Variants in OSBPL10 observed in about 807,000 individuals in gnomAD.
OSBPL10 encodes the protein oxysterol binding protein like 10, also known as oxysterol-binding protein-related protein 10.
OSBPL10 carries 49 observed loss-of-function variants against 81.7 expected under a neutral mutation model. The observed-to-expected ratio is 0.60, with a 90% CI of 0.48 to 0.76. The LOEUF is 0.76. OSBPL10 is among the 30% of genes least tolerant of loss of function. OSBPL10 has a pLI of 0.00. For missense variants in OSBPL10, 923 were observed against 987.8 expected (o/e 0.93, Z 0.88); for synonymous variants, 419 against 383.6 (o/e 1.09, Z -1.08).
chr3:31,672,987 G>A (rs146969270), intron 8 of OSBPL10, among the ~76,000 whole-genome samples: 42 of 152,282 alleles, frequency 2.8e-4, no homozygotes, highest in African/African-American at 8.2e-4. Flanking sequence ...AATACACTGC[G>A]TATCAGAAGA....
At chr3:31,772,678 C>T (rs1392281447) in intron 4 of OSBPL10, among the ~76,000 whole-genome samples, 3 of 152,146 alleles carry the variant, frequency 2.0e-5, no homozygotes, top group Non-Finnish European at 4.4e-5. Flanking sequence ...AAGGCAAAGC[C>T]CTGCCTTGTT....
intron 4 of OSBPL10, among the ~76,000 whole-genome samples, chr3:31,798,925 A>AGTTCATAATAGG (rs1399758405): frequency 1.5e-4 from 23 of 152,292 alleles, no homozygotes; most frequent in Non-Finnish European, 1.8e-4. Context: ...TCCCAGGCGC[A>AGTTCATAATAGG]GTTCATAATA....
intron 1 of OSBPL10, among the ~76,000 whole-genome samples, chr3:32,048,685 G>C (rs1699645527): frequency 6.6e-6 from 1 of 152,066 alleles, no homozygotes; most frequent in African/African-American, 2.4e-5. Flanking sequence ...ACTACCAGCT[G>C]GTCATGTCAG....
Position 31,990,905 on chromosome 3 carries a change from G to A in OSBPL10, n.298+55586C>T, listed in dbSNP as rs4955216. On this transcript the variant is annotated intron_variant and non_coding_transcript_variant, in intron 2 of 3. Transcript: ENST00000479173. ...AAAGCCTTTACTTCACATTCACATC[G>A]CATTAGACATCAGAGAATCCATACC... 2.5e-5 allele frequency: 39 copies of A among 1,573,996 alleles called. No individual in the cohort carries two copies. In the Admixed American group the frequency reaches 4.3e-4, roughly 17 times the overall value.
intron 1 of OSBPL10, among the ~76,000 whole-genome samples, chr3:31,937,835 C>T (rs995934877): frequency 2.0e-5 from 3 of 152,164 alleles, no homozygotes; most frequent in African/African-American, 7.2e-5. Flanking sequence ...ACCTCCATGT[C>T]TCTCAATCAT....
chr3:31,720,881 CAAA>C (rs61492992), intron 6 of OSBPL10, among the ~76,000 whole-genome samples: 171 of 66,292 alleles, frequency 2.6e-3, no homozygotes, highest in African/African-American at 9.8e-3. Context: ...GACTCTGTCT[CAAA>C]AAAAAAAAAA....
intron 6 of OSBPL10, among the ~76,000 whole-genome samples, chr3:31,706,461 G>T (rs1037287777): frequency 6.6e-6 from 1 of 151,870 alleles, no homozygotes; most frequent in Non-Finnish European, 1.5e-5. Flanking sequence ...TGGGGTCTTG[G>T]GCTGGGAATG....
At chr3:31,980,852 C>G (rs1698818015) in intron 1 of OSBPL10, 47 bp downstream of exon 1, 2 of 1,515,416 alleles carry the variant, frequency 1.3e-6, no homozygotes, top group Non-Finnish European at 8.8e-7. Flanking sequence ...CACACACACA[C>G]ACACACACAC....
At chr3:31,961,517 A>T (rs1256768089) in intron 1 of OSBPL10, among the ~76,000 whole-genome samples, 2 of 152,118 alleles carry the variant, frequency 1.3e-5, no homozygotes, top group African/African-American at 2.4e-5. Flanking sequence ...CTATTTAGAG[A>T]GTGTGTGTGT....
rs544476742 is a variant in OSBPL10, at chr3:32,065,398, T to A, written n.185+11998A>T. 8.7e-5 allele frequency: 8 copies of A among 91,778 alleles called. 4 individuals are homozygous for A. The highest frequency in any genetic ancestry group is 2.3e-4 in the Non-Finnish European group (8 of 34,248). The allele number at this position is 91,778 out of a possible 1,614,324, so 5.7% of individuals were successfully genotyped here. A position where few individuals can be genotyped will look rare whatever the true frequency, so the allele number is the denominator to read the frequency against. On this transcript the variant is annotated intron_variant and non_coding_transcript_variant, in intron 1 of 3. Coordinates refer to the OSBPL10 transcript ENST00000479173. Reference sequence around the variant, plus strand: ...GGTTTCATAAAGCGCTGGAGGTATGTGACCTACACAGATAACTCCAGAAGA... The same window carrying A: ...GGTTTCATAAAGCGCTGGAGGTATGAGACCTACACAGATAACTCCAGAAGA...
intron 4 of OSBPL10, among the ~76,000 whole-genome samples, chr3:31,789,268 A>T (rs1041140799): frequency 6.6e-6 from 1 of 152,198 alleles, no homozygotes; most frequent in Non-Finnish European, 1.5e-5. Flanking sequence ...ATTTTCTTCC[A>T]TATCCTGTAG....
At chr3:31,870,376 GC>G (rs1194658035) in intron 3 of OSBPL10, among the ~76,000 whole-genome samples, 1 of 152,254 alleles carries the variant, frequency 6.6e-6, no homozygotes, top group Non-Finnish European at 1.5e-5. Flanking sequence ...CGGACCTGCA[GC>G]CCGCCATGCC....
intron 5 of OSBPL10, among the ~76,000 whole-genome samples, chr3:31,738,255 C>G (rs1474618793): frequency 6.6e-6 from 1 of 151,898 alleles, no homozygotes; most frequent in Non-Finnish European, 1.5e-5. Context: ...TACTGAAATT[C>G]CAAACACACA....
rs771327024 is a variant in OSBPL10 at position 31,671,001 on chromosome 3, G to A, written c.1727-18C>T. The A allele has an allele frequency of 6.3e-6, 10 of 1,591,258 alleles. No homozygotes were observed. The Admixed American group carries it at 7.0e-5, about 11-fold the overall frequency. On this transcript the variant is annotated intron_variant, in intron 8 of 11. Coordinates refer to ENST00000396556, the MANE Select transcript of OSBPL10 (RefSeq NM_017784.5). ...CAACACACCTCCAGGGAGAGAGGAG[G>A]GAGAGTTAGGCATGCAAACATGTGA...
At chr3:31,923,748 T>C (rs1324752917) in intron 1 of OSBPL10, among the ~76,000 whole-genome samples, 1 of 152,086 alleles carries the variant, frequency 6.6e-6, no homozygotes, top group Admixed American at 6.5e-5. Context: ...GATTGTGCCA[T>C]TGCACTCCAG....
At chr3:32,036,618 T>C (rs541945297) in intron 2 of OSBPL10, among the ~76,000 whole-genome samples, 4 of 152,142 alleles carry the variant, frequency 2.6e-5, no homozygotes, top group Admixed American at 6.6e-5. Context: ...TGCCAAAATC[T>C]GAGAGACGTT....
rs541347160 is a variant in OSBPL10, at chr3:31,663,449, C to T, written c.2250+630G>A. ...CCAATTCTGTTCTCAGAGTGCTTCC[C>T]AATCCCTCCACAACTTCAAGAGCAT... On this transcript the variant is annotated intron_variant, in intron 11 of 11. Coordinates refer to ENST00000396556, the MANE Select transcript of OSBPL10 (RefSeq NM_017784.5). The T allele has an allele frequency of 2.8e-5, 28 of 987,860 alleles. No homozygotes were observed. In the African/African-American group the frequency reaches 4.5e-4, roughly 16 times the overall value. 61.2% of individuals were successfully genotyped at this position (987,860 alleles called of 1,614,324 possible). A position where few individuals can be genotyped will look rare whatever the true frequency, so the allele number is the denominator to read the frequency against.
At chr3:31,976,116 A>T (rs565122482) in intron 1 of OSBPL10, among the ~76,000 whole-genome samples, 20 of 152,296 alleles carry the variant, frequency 1.3e-4, no homozygotes, top group Non-Finnish European at 2.4e-4. Flanking sequence ...CTCTATGATA[A>T]TTATGTTAAT....
At chr3:31,969,943 G>A (rs1029493409) in intron 1 of OSBPL10, among the ~76,000 whole-genome samples, 2 of 151,768 alleles carry the variant, frequency 1.3e-5, no homozygotes, top group Admixed American at 1.3e-4. Flanking sequence ...TGGGGGGCGC[G>A]GGGCAGGAAA....
Sources: gnomAD v4.1 joint callset for allele counts (sites outside exome capture counted in the v4.1 genomes callset) on GRCh38, gnomAD v4.1.1 for gene constraint, MANE v1.5 for transcripts, NCBI Gene and HGNC (gene_info 2026-07-23, HGNC 2026-07-21) for gene names.